CCDC6: variants seen among roughly 807,000 people sequenced by gnomAD.
CCDC6 encodes coiled-coil domain-containing protein 6.
Under a neutral mutation model 56.6 loss-of-function variants are expected in CCDC6, and 20 were observed. The ratio of observed to expected loss-of-function variants is 0.35; its 90% confidence interval spans 0.25 to 0.51. The LOEUF is 0.51. Ranked by LOEUF, CCDC6 falls within the 20% of genes least tolerant of loss-of-function variation. CCDC6 has a pLI of 0.95. For synonymous variants in CCDC6, 241 were observed against 234.4 expected (o/e 1.03, Z -0.26); for missense variants, 367 against 601.1 (o/e 0.61, Z 4.07).
At chr10:59,882,928 C>G (rs1175787077) in intron 1 of CCDC6, among the ~76,000 whole-genome samples, 1 of 151,750 alleles carries the variant, frequency 6.6e-6, no homozygotes, top group Admixed American at 6.6e-5. Context: ...CCACTGCACT[C>G]CAGCCTGGGC....
In CCDC6 at chr10:59,832,517, G is replaced by T; in HGVS notation, c.582+8C>A. 1 of 1,609,586 alleles carries T rather than the reference G, an allele frequency of 6.2e-7. No individual in the cohort carries two copies. The highest frequency in any genetic ancestry group is 2.2e-5 in the East Asian group (1 of 44,644). On this transcript the variant is annotated splice_region_variant and intron_variant, in intron 3 of 8. Coordinates refer to ENST00000263102, the MANE Select transcript of CCDC6 (RefSeq NM_005436.5). ...ATACAATGTAAAGGAAGAGCTACAGGTGCTTACCTGTTCTAATGTAAGTTG... is the reference window on the plus strand; with the variant it reads ...ATACAATGTAAAGGAAGAGCTACAGTTGCTTACCTGTTCTAATGTAAGTTG...
intron 3 of CCDC6, among the ~76,000 whole-genome samples, chr10:59,829,470 G>C (rs1394065627): frequency 6.6e-6 from 1 of 152,148 alleles, no homozygotes; most frequent in Admixed American, 6.5e-5. Context: ...AATTATACGT[G>C]AATGTTCATA....
intron 2 of CCDC6, among the ~76,000 whole-genome samples, chr10:59,835,242 T>G (rs2132645464): frequency 6.6e-6 from 1 of 152,336 alleles, no homozygotes; most frequent in African/African-American, 2.4e-5. Context: ...CAATAAAGGA[T>G]GTAATCTAAC....
At chr10:59,871,807 A>G (rs1208596632) in intron 1 of CCDC6, among the ~76,000 whole-genome samples, 4 of 152,116 alleles carry the variant, frequency 2.6e-5, no homozygotes, top group African/African-American at 4.8e-5. Flanking sequence ...GCTGCTTTGA[A>G]CAAAAATTCC....
intron 7 of CCDC6, among the ~76,000 whole-genome samples, chr10:59,795,884 C>T (rs1305459280): frequency 6.6e-6 from 1 of 152,028 alleles, no homozygotes; most frequent in African/African-American, 2.4e-5. Flanking sequence ...CGTTGTTGGA[C>T]ATTTGGGTTG....
chr10:59,859,419 T>C (rs2071108871), intron 1 of CCDC6, among the ~76,000 whole-genome samples: 1 of 152,094 alleles, frequency 6.6e-6, no homozygotes, highest in African/African-American at 2.4e-5. Context: ...ATAAAATAAC[T>C]TTATAAAACA....
chr10:59,878,914 GGAAAA>G (rs201104575), intron 1 of CCDC6, among the ~76,000 whole-genome samples: 1 of 152,160 alleles, frequency 6.6e-6, no homozygotes, highest in Non-Finnish European at 1.5e-5. Flanking sequence ...GGAAAGGAAA[GGAAAA>G]GATGCAGTTT....
rs749343006 is a variant in CCDC6 at position 59,794,482 on chromosome 10, A to G, written c.1221T>C (p.His407=). The change falls in exon 8 of 9, where the codon CAT becomes CAC. Residue 407 remains histidine (H), a synonymous_variant. Coordinates refer to ENST00000263102, the MANE Select transcript of CCDC6 (RefSeq NM_005436.5). ...CCCCACGGACACTTACTGTGATACC[A>G]TGGGATGTTCCCATGTGCTGCACGT... ...GLHVQHMGTS[H]GITRPSPRRS... 3 of 1,614,142 alleles carry G rather than the reference A, an allele frequency of 1.9e-6. No homozygotes were observed. The East Asian group carries it at 6.7e-5, about 36-fold the overall frequency.
At chr10:59,868,683 A>G (rs746600023) in intron 1 of CCDC6, among the ~76,000 whole-genome samples, 3 of 152,182 alleles carry the variant, frequency 2.0e-5, no homozygotes, top group Non-Finnish European at 4.4e-5. Context: ...TAAGCGTTAC[A>G]AACAATATGG....
chr10:59,856,832 A>T (rs2071084003), intron 1 of CCDC6, among the ~76,000 whole-genome samples: 1 of 152,246 alleles, frequency 6.6e-6, no homozygotes. Context: ...AAAATAAGTG[A>T]AGCAACATTT....
intron 2 of CCDC6, among the ~76,000 whole-genome samples, chr10:59,837,609 G>A (rs1203290756): frequency 6.6e-6 from 1 of 151,950 alleles, no homozygotes; most frequent in East Asian, 1.9e-4. Flanking sequence ...AGCCAGGCGT[G>A]GTGGCATGTG....
chr10:59,890,758 T>C (rs2071416186), intron 1 of CCDC6, among the ~76,000 whole-genome samples: 5 of 152,272 alleles, frequency 3.3e-5, no homozygotes, highest in East Asian at 3.9e-4. Flanking sequence ...ATACTTTAAG[T>C]TCTAGGGTAC....
At chr10:59,864,335 A>G (rs1464440871) in intron 1 of CCDC6, among the ~76,000 whole-genome samples, 1 of 152,246 alleles carries the variant, frequency 6.6e-6, no homozygotes, top group Non-Finnish European at 1.5e-5. Context: ...ACTCCAGTAA[A>G]GCATAACAAC....
intron 1 of CCDC6, among the ~76,000 whole-genome samples, chr10:59,869,413 A>C (rs1268894642): frequency 2.6e-5 from 2 of 76,388 alleles, no homozygotes; most frequent in Non-Finnish European, 2.5e-5. Context: ...AAAAAAAAAA[A>C]AAAAAACAGA....
intron 1 of CCDC6, among the ~76,000 whole-genome samples, chr10:59,899,825 A>G (rs1162048484): frequency 1.3e-5 from 2 of 152,238 alleles, no homozygotes; most frequent in Non-Finnish European, 2.9e-5. Flanking sequence ...AGGAACACCC[A>G]GGTGTATGCT....
intron 7 of CCDC6, among the ~76,000 whole-genome samples, chr10:59,801,496 T>C (rs2070574350): frequency 6.6e-6 from 1 of 152,182 alleles, no homozygotes; most frequent in Admixed American, 6.5e-5. Context: ...AGTGACATCA[T>C]ACATCAATTT....
In CCDC6 at chr10:59,847,933, C is replaced by T. The variant is rs566891885; in HGVS notation, c.453+4620G>A. Among the ~76,000 whole-genome samples, 5 of 151,118 alleles carry T rather than the reference C, an allele frequency of 3.3e-5. No homozygotes were observed. The East Asian group carries it at 7.8e-4, about 24-fold the overall frequency. On this transcript the variant is annotated intron_variant, in intron 2 of 8. Coordinates refer to ENST00000263102, the MANE Select transcript of CCDC6 (RefSeq NM_005436.5). ...AGTGGAGTTGATTCCCCCACTGGGG[C>T]CACTGTCTGTGTGGATTTCCTGTGT...
At chr10:59,801,103 C>T (rs745411549) in intron 7 of CCDC6, among the ~76,000 whole-genome samples, 57 of 152,046 alleles carry the variant, frequency 3.7e-4, no homozygotes, top group Non-Finnish European at 6.6e-4. Context: ...ACATTAACAC[C>T]GCCTTTGGAT....
intron 1 of CCDC6, among the ~76,000 whole-genome samples, chr10:59,884,896 T>C (rs2071370832): frequency 6.6e-6 from 1 of 152,128 alleles, no homozygotes; most frequent in Non-Finnish European, 1.5e-5. Context: ...AAACCCCATC[T>C]CTACTAAAAA....
Sources: gnomAD v4.1 joint callset for allele counts (sites outside exome capture counted in the v4.1 genomes callset) on GRCh38, gnomAD v4.1.1 for gene constraint, MANE v1.5 for transcripts, NCBI Gene and HGNC (gene_info 2026-07-23, HGNC 2026-07-21) for gene names.